SYNRG: variants seen among roughly 807,000 people sequenced by gnomAD.
The protein encoded by SYNRG is synergin gamma.
In SYNRG, 37 loss-of-function variants were observed where a neutral mutation model predicts 130.9. That is an observed-to-expected ratio of 0.28 (90% confidence interval 0.22 to 0.37). SYNRG has a LOEUF of 0.37. Ranked by LOEUF, SYNRG falls within the 10% of genes least tolerant of loss-of-function variation. SYNRG has a pLI of 1.00. For synonymous variants in SYNRG, 539 were observed against 568.1 expected (o/e 0.95, Z 0.73); for missense variants, 1,338 against 1,588.9 (o/e 0.84, Z 2.68).
intron 14 of SYNRG, among the ~76,000 whole-genome samples, chr17:37,549,131 CAA>C (rs902288633): frequency 4.2e-4 from 22 of 52,416 alleles, no homozygotes; most frequent in Admixed American, 1.2e-3. Context: ...AACCTGGTCT[CAA>C]AAAAAAAAAA....
intron 14 of SYNRG, among the ~76,000 whole-genome samples, chr17:37,546,888 A>G (rs1289336114): frequency 6.6e-6 from 1 of 152,160 alleles, no homozygotes; most frequent in Non-Finnish European, 1.5e-5. Context: ...ATACTTGTAC[A>G]TTTCAGTTTC....
intron 5 of SYNRG, among the ~76,000 whole-genome samples, 195 bp downstream of exon 5, chr17:37,585,130 T>C (rs1318586796): frequency 6.6e-6 from 1 of 152,268 alleles, no homozygotes; most frequent in African/African-American, 2.4e-5. Flanking sequence ...TGATAGCCTA[T>C]TCTCATTGAC....
chr17:37,537,689 G>C (rs557592450), intron 18 of SYNRG, among the ~76,000 whole-genome samples: 2 of 152,170 alleles, frequency 1.3e-5, no homozygotes, highest in Non-Finnish European at 2.9e-5. Flanking sequence ...AAAGGTAATA[G>C]GGCTAAGGAG....
chr17:37,541,102 A>C, intron 15 of SYNRG: 1 of 985,656 alleles, frequency 1.0e-6, no homozygotes, highest in Non-Finnish European at 1.2e-6. Flanking sequence ...CAAGTCTTCC[A>C]TAATGCCCAG....
At chr17:37,521,599 C>T (rs779083495) in intron 19 of SYNRG, among the ~76,000 whole-genome samples, 1 of 152,124 alleles carries the variant, frequency 6.6e-6, no homozygotes, top group Non-Finnish European at 1.5e-5. Context: ...AACTGGATCA[C>T]GACAGGCCCA....
At position 37,514,954 on chromosome 17, in the gene SYNRG, C is replaced by G. The variant is rs1276473346; in HGVS notation, c.*3986G>C. On this transcript the variant is annotated 3_prime_UTR_variant, in exon 22 of 22. Transcript: ENST00000612223. ...ATTAAAATACAAACAAGGGAGAAAC[C>G]ACACCATCTTTTAAAATACAGGCGC... 6.6e-6 allele frequency: 1 copy of G among 151,988 alleles called. No homozygotes were observed. Among genetic ancestry groups the G allele is most frequent in the African/African-American group, 2.4e-5 (1 of 41,372 alleles). 9.4% of individuals were successfully genotyped at this position (151,988 alleles called of 1,614,324 possible). A position where few individuals can be genotyped will look rare whatever the true frequency, so the allele number is the denominator to read the frequency against.
chr17:37,532,224 ATC>A (rs2056701457), intron 19 of SYNRG, among the ~76,000 whole-genome samples: 1 of 152,224 alleles, frequency 6.6e-6, no homozygotes, highest in African/African-American at 2.4e-5. Context: ...CACAGTCTTG[ATC>A]TCTGTCTTCA....
Position 37,531,143 on chromosome 17 carries a change from G to C in SYNRG, c.3666+4836C>G, listed in dbSNP as rs2056591708. On this transcript the variant is annotated intron_variant, in intron 19 of 21. Transcript: ENST00000612223. The stretch of plus-strand genomic sequence containing the variant: ...CCAGCTGTGGGAGGTTGAGATGGAA[G>C]GATCACTTGAGCCTGGGAGTTCAAG... Among the ~76,000 whole-genome samples the C allele has an allele frequency of 2.0e-5, 3 of 152,196 alleles. No individual in the cohort carries two copies. The South Asian group carries it at 6.2e-4, about 32-fold the overall frequency.
intron 14 of SYNRG, among the ~76,000 whole-genome samples, chr17:37,544,534 T>G (rs1013344406): frequency 6.6e-6 from 1 of 152,048 alleles, no homozygotes; most frequent in African/African-American, 2.4e-5. Context: ...AGGCTGGTCT[T>G]GAACTCCTGA....
chr17:37,593,307 G>C (rs542851846), intron 3 of SYNRG, among the ~76,000 whole-genome samples: 4 of 152,184 alleles, frequency 2.6e-5, no homozygotes, highest in Non-Finnish European at 5.9e-5. Flanking sequence ...CAGCTGCTTG[G>C]GAAGCTGAGG....
At chr17:37,564,979 T>C (rs1243801967) in intron 11 of SYNRG, among the ~76,000 whole-genome samples, 1 of 152,138 alleles carries the variant, frequency 6.6e-6, no homozygotes, top group African/African-American at 2.4e-5. Context: ...AATAGTTTCA[T>C]TCAGCTGGGC....
intron 19 of SYNRG, among the ~76,000 whole-genome samples, chr17:37,522,269 A>C (rs986930944): frequency 3.3e-5 from 5 of 151,904 alleles, no homozygotes; most frequent in African/African-American, 7.3e-5. Flanking sequence ...TCCTGGGCTC[A>C]AGAGATCCTC....
At chr17:37,553,083 C>T (rs762730870) in intron 14 of SYNRG, 32 bp downstream of exon 14, 1 of 1,591,042 alleles carries the variant, frequency 6.3e-7, no homozygotes, top group Non-Finnish European at 8.6e-7. Flanking sequence ...ATCTACAACA[C>T]CATCACCAGA....
rs1568528863 is a variant in SYNRG at position 37,596,128 on chromosome 17, T to C, written c.240+95A>G. On this transcript the variant is annotated intron_variant, in intron 3 of 21. Coordinates refer to ENST00000612223, the MANE Select transcript of SYNRG (RefSeq NM_007247.6). Reference sequence around the variant, plus strand: ...GAAGCCATTTATTTATGCTTATTTCTAATTGTAACATTAAGCTCTTAGCCT... The same window carrying C: ...GAAGCCATTTATTTATGCTTATTTCCAATTGTAACATTAAGCTCTTAGCCT... 11 of 1,389,262 alleles carry C rather than the reference T, an allele frequency of 7.9e-6. No individual in the cohort carries two copies. In the East Asian group the frequency reaches 2.6e-4, roughly 32 times the overall value. The allele number at this position is 1,389,262 out of a possible 1,614,324, so 86.1% of individuals were successfully genotyped here.
chr17:37,569,612 G>A (rs2060262349), intron 10 of SYNRG, among the ~76,000 whole-genome samples: 1 of 138,210 alleles, frequency 7.2e-6, no homozygotes, highest in African/African-American at 2.7e-5. Flanking sequence ...CCACGACCGT[G>A]CCACTGCACT....
Position 37,609,323 on chromosome 17 carries a change from G to A in SYNRG, c.33C>T (p.Gly11=), listed in dbSNP as rs1234482012. 3 of 1,468,054 alleles carry A rather than the reference G, an allele frequency of 2.0e-6. No homozygotes were observed. In the Middle Eastern group the frequency reaches 5.4e-4, roughly 265 times the overall value. The allele number at this position is 1,468,054 out of a possible 1,614,324, so 90.9% of individuals were successfully genotyped here. ...CCGCGCCAGCTCCCGCGGCCCCGCC[G>A]CCACCAGAACCAGCTCCTGGCCGCA... is the stretch of plus-strand genomic sequence containing the variant. The part of the protein sequence containing the change: MALRPGAGSG[G]GGAAGAGAGS... Residue 11 remains glycine (G), a synonymous_variant, in exon 1 of 22, where the codon GGC becomes GGT. Coordinates refer to ENST00000612223, the MANE Select transcript of SYNRG (RefSeq NM_007247.6).
chr17:37,586,493 T>C lies in SYNRG; in HGVS notation c.297A>G (p.Ala99=). The C allele has an allele frequency of 1.9e-6, 3 of 1,614,150 alleles. No individual in the cohort carries two copies. Among genetic ancestry groups the C allele is most frequent in the South Asian group, 1.1e-5 (1 of 91,086 alleles). Residue 99 remains alanine (A), a synonymous_variant, in exon 4 of 22, where the codon GCA becomes GCG. Transcript: ENST00000612223. ...PAAGMPYLGQ[A]PFLGMRPPGP... ...CTGGAGGACGCATGCCCAGGAAGGG[T>C]GCTTGTCCTAGGTAAGGCATTCCCG...
chr17:37,600,293 C>T lies in SYNRG; in HGVS notation c.118+70G>A, dbSNP rs139288378. The T allele has an allele frequency of 1.1e-4, 145 of 1,375,498 alleles. 2 individuals are homozygous for T. In the Middle Eastern group the frequency reaches 1.7e-3, roughly 16 times the overall value. 85.2% of individuals were successfully genotyped at this position (1,375,498 alleles called of 1,614,324 possible). A position where few individuals can be genotyped will look rare whatever the true frequency, so the allele number is the denominator to read the frequency against. On this transcript the variant is annotated intron_variant, in intron 2 of 21. Coordinates refer to ENST00000612223, the MANE Select transcript of SYNRG (RefSeq NM_007247.6). ...AGCAACAGAACTTATTTTCTATTTACTTATTTAATTCCCAGATTCAGAAAC... is the reference window on the plus strand; with the variant it reads ...AGCAACAGAACTTATTTTCTATTTATTTATTTAATTCCCAGATTCAGAAAC...
intron 7 of SYNRG, 48 bp downstream of exon 7, chr17:37,577,332 G>C: frequency 6.5e-7 from 1 of 1,536,938 alleles, no homozygotes; most frequent in African/African-American, 1.4e-5. Flanking sequence ...TAGCATTTGA[G>C]CAACATTTGG....
Sources: allele counts gnomAD v4.1 joint callset (sites outside exome capture counted in the v4.1 genomes callset), GRCh38; gene constraint gnomAD v4.1.1; transcripts MANE v1.5; gene names NCBI Gene and HGNC (gene_info 2026-07-23, HGNC 2026-07-21).